ADARB1: variants seen among roughly 807,000 people sequenced by gnomAD.
ADARB1 encodes the protein adenosine deaminase RNA specific B1, also known as double-stranded RNA-specific editase 1.
Under a neutral mutation model 52.4 loss-of-function variants are expected in ADARB1, and 10 were observed. That is an observed-to-expected ratio of 0.19 (90% CI 0.12 to 0.32). The LOEUF (loss-of-function observed/expected upper bound fraction) is 0.32, where lower values mean the gene tolerates loss of function less well. Among genes scored for constraint, ADARB1 ranks in the 10% least tolerant of loss-of-function variants. The probability of loss-of-function intolerance (pLI) is 1.00; values close to 1 mark genes in which losing one functional copy is unlikely to be tolerated. For synonymous variants in ADARB1, 349 were observed against 371.1 expected, an observed-to-expected ratio of 0.94 and a Z score of 0.68; for missense variants, 643 against 922.3, an observed-to-expected ratio of 0.70 and a Z score of 3.92.
intron 8 of ADARB1, among the ~76,000 whole-genome samples, chr21:45,195,249 G>T (rs772072620): frequency 4.6e-5 from 7 of 152,050 alleles, no homozygotes; most frequent in Non-Finnish European, 7.4e-5. Flanking sequence ...TTTTAATCAG[G>T]TTGTTCATTT....
intron 9 of ADARB1, among the ~76,000 whole-genome samples, chr21:45,207,937 A>T (rs1484621966): frequency 1.3e-5 from 2 of 152,176 alleles, no homozygotes; most frequent in African/African-American, 4.8e-5. Flanking sequence ...GAAGAATTTA[A>T]TTTTCATTTC....
At chr21:45,110,467 G>A (rs1400123499) in intron 1 of ADARB1, among the ~76,000 whole-genome samples, 2 of 152,282 alleles carry the variant, frequency 1.3e-5, no homozygotes, top group East Asian at 3.9e-4. Context: ...GCGGGGGTGT[G>A]GAGAATTTGT....
chr21:45,215,041 T>C (rs1360357234), intron 9 of ADARB1, among the ~76,000 whole-genome samples: 4 of 152,060 alleles, frequency 2.6e-5, no homozygotes, highest in African/African-American at 7.3e-5. Flanking sequence ...GGCTGTAGGA[T>C]TTTTTATTGC....
chr21:45,183,645 A>G (rs2092002368), intron 7 of ADARB1, 135 bp downstream of exon 7: 2 of 1,028,214 alleles, frequency 1.9e-6, no homozygotes. Context: ...AAGAGTCTCT[A>G]TAAAAGCATG....
intron 9 of ADARB1, among the ~76,000 whole-genome samples, chr21:45,219,486 A>T (rs1162338790): frequency 6.6e-6 from 1 of 152,172 alleles, no homozygotes; most frequent in African/African-American, 2.4e-5. Flanking sequence ...ATCGCACCAC[A>T]CACTCCAGCC....
Position 45,162,083 on chromosome 21 carries a change from T to C in ADARB1, c.-47-9527T>C, listed in dbSNP as rs775167823. On this transcript the variant is annotated intron_variant, in intron 2 of 10. Transcript: ENST00000348831. The stretch of plus-strand genomic sequence containing the variant: ...AAACAGGGCTGAAACACACCCATTG[T>C]TTGCCACATTGCAGGCAATGAGGAG... Among the ~76,000 whole-genome samples the C allele has an allele frequency of 7.4e-4, 112 of 152,252 alleles. No individual in the cohort carries two copies. The Middle Eastern group carries it at 0.014, about 18-fold the overall frequency.
At chr21:45,118,063 T>C (rs1476647002) in intron 1 of ADARB1, among the ~76,000 whole-genome samples, 2 of 152,240 alleles carry the variant, frequency 1.3e-5, no homozygotes, top group Non-Finnish European at 2.9e-5. Context: ...AAGTGTAGTC[T>C]AAACATTTTA....
intron 9 of ADARB1, among the ~76,000 whole-genome samples, chr21:45,214,106 G>A (rs1404517646): frequency 6.6e-6 from 1 of 152,196 alleles, no homozygotes; most frequent in African/African-American, 2.4e-5. Context: ...ATATTCCATT[G>A]TGCTTTTAAT....
Position 45,172,212 on chromosome 21 carries a change from C to T in ADARB1, c.28+528C>T, listed in dbSNP as rs1157375718. On this transcript the variant is annotated intron_variant, in intron 3 of 10. Coordinates refer to ENST00000348831, the MANE Select transcript of ADARB1 (RefSeq NM_001112.4). The surrounding 1 kb of genome is among the most constrained non-coding windows in gnomAD (Gnocchi z 4.4). ...GTGGGCCTCCTCCTTCCGTGCTGTT[C>T]TCTCTGGTGCCGGGGTGGTGGAAGG... Among the ~76,000 whole-genome samples the T allele has an allele frequency of 1.3e-5, 2 of 152,106 alleles. No individual in the cohort carries two copies. Among genetic ancestry groups the T allele is most frequent in the Non-Finnish European group, 2.9e-5 (2 of 68,024 alleles).
At chr21:45,134,637 A>C in intron 2 of ADARB1, 1 of 415,304 alleles carries the variant, frequency 2.4e-6, no homozygotes, top group Non-Finnish European at 4.8e-6. Flanking sequence ...AATCCTACAG[A>C]TCCCTATGGA....
At chr21:45,153,634 A>T (rs2090415020) in intron 2 of ADARB1, among the ~76,000 whole-genome samples, 1 of 152,238 alleles carries the variant, frequency 6.6e-6, no homozygotes, top group Non-Finnish European at 1.5e-5. Context: ...TCTCAAAGTC[A>T]GCAATCTTGT....
rs897655073 is a variant in ADARB1 at position 45,172,165 on chromosome 21, G to A, written c.28+481G>A. ...CTGTTGATCTAAAGTTCGCAAAGGT[G>A]CTAATGAGAGCTGGGACTGGTGTGG... On this transcript the variant is annotated intron_variant, in intron 3 of 10. Transcript: ENST00000348831. The surrounding 1 kb of genome is among the most constrained non-coding windows in gnomAD (Gnocchi z 4.4). 6.6e-6 allele frequency among the ~76,000 whole-genome samples: 1 copy of A among 152,184 alleles called. No homozygotes were observed.
intron 2 of ADARB1, among the ~76,000 whole-genome samples, chr21:45,134,480 C>T (rs1440790270): frequency 6.6e-6 from 1 of 151,188 alleles, no homozygotes; most frequent in Non-Finnish European, 1.5e-5. Flanking sequence ...GAGCGCCCGG[C>T]AGGGGTACGT....
At chr21:45,082,951 C>G (rs1236779440) in intron 1 of ADARB1, among the ~76,000 whole-genome samples, 2 of 152,236 alleles carry the variant, frequency 1.3e-5, no homozygotes, top group Non-Finnish European at 2.9e-5. Flanking sequence ...TCCTGCCACT[C>G]AGAGCCCTGG....
chr21:45,184,957 A>G lies in ADARB1; in HGVS notation c.1431A>G (p.Arg477=), dbSNP rs1463333817. The G allele has an allele frequency of 1.2e-6, 2 of 1,613,742 alleles. No homozygotes were observed. Among genetic ancestry groups the G allele is most frequent in the African/African-American group, 1.3e-5 (1 of 74,928 alleles). ...ATAGACACCCAAATCGTAAAGCAAGAGGACAGCTACGGACCAAAATAGAGT... is the reference window on the plus strand; with the variant it reads ...ATAGACACCCAAATCGTAAAGCAAGGGGACAGCTACGGACCAAAATAGAGT... ...PADRHPNRKA[R]GQLRTKIESG... is the part of the protein sequence containing the mutation. The change falls in exon 8 of 11, where the codon AGA becomes AGG. Residue 477 remains arginine (R), a synonymous_variant. Transcript: ENST00000348831.
intron 1 of ADARB1, among the ~76,000 whole-genome samples, chr21:45,096,325 C>G (rs769542866): frequency 6.6e-5 from 10 of 152,230 alleles, no homozygotes; most frequent in South Asian, 2.1e-4. Context: ...GGGACAAGTG[C>G]CCCCTCTGCT....
At chr21:45,159,374 C>G (rs568597940) in intron 2 of ADARB1, among the ~76,000 whole-genome samples, 3 of 152,268 alleles carry the variant, frequency 2.0e-5, no homozygotes, top group Admixed American at 2.0e-4. Context: ...TGGGTCCCTC[C>G]CACACTCGTG....
intron 3 of ADARB1, among the ~76,000 whole-genome samples, chr21:45,175,477 T>C (rs1040830444): frequency 6.6e-6 from 1 of 152,214 alleles, no homozygotes; most frequent in Non-Finnish European, 1.5e-5. Flanking sequence ...ATTTTACTTT[T>C]TAAAGCAAAA....
intron 2 of ADARB1, chr21:45,144,531 C>T (rs897322741): frequency 1.7e-5 from 6 of 343,230 alleles, no homozygotes; most frequent in African/African-American, 1.1e-4. Flanking sequence ...ATCATAGAAA[C>T]CATACCTGAT....
Sources: gnomAD v4.1 joint callset for allele counts (sites outside exome capture counted in the v4.1 genomes callset) on GRCh38, gnomAD v4.1.1 for gene constraint, Gnocchi (gnomAD v3.1) non-coding constraint, MANE v1.5 for transcripts, NCBI Gene and HGNC (gene_info 2026-07-23, HGNC 2026-07-21) for gene names.